The following TPTE2 variants were observed in gnomAD, a reference collection of about 807,000 sequenced individuals.
TPTE2 encodes phosphatidylinositol 3,4,5-trisphosphate 3-phosphatase TPTE2.
A neutral mutation model predicts 78.6 loss-of-function variants in TPTE2; 53 were observed. The observed-to-expected ratio is 0.67, with a 90% CI of 0.54 to 0.85. The LOEUF is 0.85. Ranked by LOEUF, TPTE2 falls within the 40% of genes least tolerant of loss-of-function variation. The pLI is 0.00. For missense variants in TPTE2, 461 were observed against 623.0 expected (o/e 0.74, Z 2.77); for synonymous variants, 175 against 206.2 (o/e 0.85, Z 1.30).
At chr13:19,541,826 A>T in the TPTE2 span, among the ~76,000 whole-genome samples, 1 of 152,060 alleles carries the variant, frequency 6.6e-6, no homozygotes, top group South Asian at 2.1e-4. Flanking sequence ...GATTTTTCAA[A>T]TTTGTCTCCA....
chr13:19,511,846 A>G (rs1869465551), intron 1 of TPTE2, among the ~76,000 whole-genome samples: 1 of 146,814 alleles, frequency 6.8e-6, no homozygotes, highest in Non-Finnish European at 1.5e-5. Flanking sequence ...AAACACAGAA[A>G]AACCACTTTT....
Position 19,467,315 on chromosome 13 carries a change from T to A in TPTE2, c.422A>T (p.Asn141Ile), listed in dbSNP as rs775828257. 4.4e-6 allele frequency: 7 copies of A among 1,574,572 alleles called. No individual in the cohort carries two copies. In the Admixed American group the frequency reaches 1.4e-4, roughly 32 times the overall value. Residue 141 changes from asparagine to isoleucine, a missense_variant, in exon 7 of 20, where the codon AAC (asparagine) becomes ATC (isoleucine). Transcript: ENST00000400230. Reference sequence around the variant, plus strand: ...CACAATAATGGCAGTATCTAAAATGTTAAATAAGTCAGAAAAATACTGCTG... The same window carrying A: ...CACAATAATGGCAGTATCTAAAATGATAAATAAGTCAGAAAAATACTGCTG...
Position 19,426,532 on chromosome 13 carries a change from A to G in TPTE2, c.1303-15T>C, listed in dbSNP as rs1330083504. The G allele has an allele frequency of 1.4e-6, 2 of 1,459,756 alleles. No individual in the cohort carries two copies. The highest frequency in any genetic ancestry group is 1.7e-5 in the Admixed American group (1 of 59,466). 90.4% of individuals were successfully genotyped at this position (1,459,756 alleles called of 1,614,324 possible). A position where few individuals can be genotyped will look rare whatever the true frequency, so the allele number is the denominator to read the frequency against. On this transcript the variant is annotated splice_polypyrimidine_tract_variant and intron_variant, in intron 17 of 19. Transcript: ENST00000400230. ...TCATGCAATATCTATGAATGAACAC[A>G]TGGAATTGAGAACTACAAACCTAGA... is the stretch of plus-strand genomic sequence containing the variant.
chr13:19,434,524 T>C (rs1428603669), intron 15 of TPTE2, among the ~76,000 whole-genome samples: 1 of 152,184 alleles, frequency 6.6e-6, no homozygotes, highest in Non-Finnish European at 1.5e-5. Context: ...AAATGGCATG[T>C]TTAGGGCTGC....
chr13:19,425,350 C>G lies in TPTE2; in HGVS notation c.1396-333G>C, dbSNP rs576034436. Among the ~76,000 whole-genome samples, 49 of 152,320 alleles carry G rather than the reference C, an allele frequency of 3.2e-4. 1 individual carries two copies. The highest frequency in any genetic ancestry group is 9.6e-4 in the African/African-American group (40 of 41,586). ...ACCTATGCCTATATATACCCAACTA[C>G]ATTGTAGTGAATTCTTATAATTTTT... On this transcript the variant is annotated intron_variant, in intron 18 of 19. Coordinates refer to ENST00000400230, the Ensembl canonical transcript of TPTE2.
At chr13:19,445,863 C>T (rs975941221) in intron 13 of TPTE2, among the ~76,000 whole-genome samples, 2 of 152,178 alleles carry the variant, frequency 1.3e-5, no homozygotes, top group African/African-American at 2.4e-5. Context: ...ATTGCTTGAA[C>T]GCAGGAGGCG....
intron 1 of TPTE2, among the ~76,000 whole-genome samples, chr13:19,512,945 G>T (rs756475948): frequency 3.3e-5 from 5 of 152,080 alleles, no homozygotes; most frequent in Non-Finnish European, 7.3e-5. Flanking sequence ...TAAGGGTATT[G>T]TTAAGCTGGC....
chr13:19,542,346 A>G, the TPTE2 span, among the ~76,000 whole-genome samples: 25 of 152,174 alleles, frequency 1.6e-4, no homozygotes, highest in African/African-American at 5.8e-4. Flanking sequence ...GGGTCTCACA[A>G]GGCTGTAATC....
intron 4 of TPTE2, among the ~76,000 whole-genome samples, chr13:19,480,971 CTCA>C (rs1460443213): frequency 2.0e-5 from 3 of 151,714 alleles, no homozygotes; most frequent in Non-Finnish European, 2.9e-5. Context: ...TGAATTATAG[CTCA>C]TCTACACCAT....
chr13:19,555,370 T>TTCAA, the TPTE2 span, among the ~76,000 whole-genome samples: 16 of 152,306 alleles, frequency 1.1e-4, no homozygotes, highest in Middle Eastern at 6.8e-3. Flanking sequence ...GAATAACTCA[T>TTCAA]TCAATCGGTC....
At chr13:19,483,062 C>G (rs1880453626) in intron 3 of TPTE2, among the ~76,000 whole-genome samples, 1 of 152,186 alleles carries the variant, frequency 6.6e-6, no homozygotes, top group Non-Finnish European at 1.5e-5. Context: ...TTAAAAACTA[C>G]TTTATTGGTT....
the TPTE2 span, among the ~76,000 whole-genome samples, chr13:19,543,173 T>G: frequency 6.6e-6 from 1 of 151,944 alleles, no homozygotes; most frequent in African/African-American, 2.4e-5. Context: ...TCGTCCCACT[T>G]CCCAAGTAGC....
chr13:19,522,619 C>CTTTTTT (rs57248346), intron 1 of TPTE2, among the ~76,000 whole-genome samples: 12 of 121,648 alleles, frequency 9.9e-5, no homozygotes, highest in Non-Finnish European at 1.6e-4. Context: ...CTTTTTTTTT[C>CTTTTTT]TTTTTTTTTT....
chr13:19,439,944 T>C (rs969979875), intron 13 of TPTE2, among the ~76,000 whole-genome samples: 1 of 152,048 alleles, frequency 6.6e-6, no homozygotes, highest in African/African-American at 2.4e-5. Context: ...AAGTCAGAAA[T>C]ATGAGATTAT....
At chr13:19,442,093 T>G (rs1318508066) in intron 13 of TPTE2, among the ~76,000 whole-genome samples, 2 of 152,076 alleles carry the variant, frequency 1.3e-5, no homozygotes, top group Admixed American at 6.5e-5. Context: ...TAGATGTACA[T>G]AGAACACTGT....
chr13:19,463,989 G>C (rs1370712248), intron 10 of TPTE2, among the ~76,000 whole-genome samples: 2 of 152,194 alleles, frequency 1.3e-5, no homozygotes, highest in Admixed American at 1.3e-4. Flanking sequence ...TGGCTCTGCT[G>C]GTGAAGGGGG....
chr13:19,445,397 A>G (rs1426241095), intron 13 of TPTE2, among the ~76,000 whole-genome samples: 1 of 114,930 alleles, frequency 8.7e-6, no homozygotes, highest in Non-Finnish European at 1.8e-5. Flanking sequence ...GATCACCACC[A>G]TAAGATGCCA....
the TPTE2 span, among the ~76,000 whole-genome samples, chr13:19,545,772 A>T: frequency 6.6e-6 from 1 of 152,354 alleles, no homozygotes. Context: ...ACATTCAAAG[A>T]ACAGTAGATA....
At chr13:19,545,654 A>C in the TPTE2 span, among the ~76,000 whole-genome samples, 2 of 152,198 alleles carry the variant, frequency 1.3e-5, no homozygotes, top group South Asian at 4.1e-4. Context: ...CCCTACATGA[A>C]GAGATTTCTT....
Sources: allele counts gnomAD v4.1 joint callset (sites outside exome capture counted in the v4.1 genomes callset), GRCh38; gene constraint gnomAD v4.1.1; transcripts MANE v1.5; gene names NCBI Gene and HGNC (gene_info 2026-07-23, HGNC 2026-07-21).